Variants in SYN2 observed in about 807,000 individuals in gnomAD.
SYN2 encodes synapsin II.
Under a neutral mutation model 50.9 loss-of-function variants are expected in SYN2, and 19 were observed. The observed-to-expected ratio is 0.37, with a 90% CI of 0.26 to 0.55. SYN2 has a LOEUF of 0.55. Ranked by LOEUF, SYN2 falls within the 20% of genes least tolerant of loss-of-function variation. The pLI, the probability that SYN2 is intolerant of heterozygous loss-of-function variation, is 0.81. For synonymous variants in SYN2, 255 were observed against 224.9 expected, an observed-to-expected ratio of 1.13 and a Z score of -1.20; for missense variants, 587 against 576.4, an observed-to-expected ratio of 1.02 and a Z score of -0.19.
rs995698207 is a variant in SYN2, at chr3:12,153,402, T to A, written c.774+2076T>A. 4.7e-6 allele frequency: 6 copies of A among 1,277,308 alleles called. No homozygotes were observed. In the African/African-American group the frequency reaches 7.3e-5, roughly 16 times the overall value. 79.1% of individuals were successfully genotyped at this position (1,277,308 alleles called of 1,614,324 possible). On this transcript the variant is annotated intron_variant, in intron 5 of 12. Coordinates refer to ENST00000621198, the MANE Select transcript of SYN2 (RefSeq NM_133625.6). ...AGTGGCCAGACTGTCCACTTGGCAC[T>A]TCTTATTAGCTGGCAGCAAGAGGTC... is the stretch of plus-strand genomic sequence containing the variant.
At chr3:12,013,512 C>T (rs774199904) in intron 1 of SYN2, among the ~76,000 whole-genome samples, 5 of 152,140 alleles carry the variant, frequency 3.3e-5, no homozygotes, top group Non-Finnish European at 5.9e-5. Context: ...GACATATGTG[C>T]AGCTGCCTGC....
intron 1 of SYN2, among the ~76,000 whole-genome samples, chr3:12,120,742 A>T (rs1013929619): frequency 4.6e-5 from 7 of 152,124 alleles, no homozygotes; most frequent in African/African-American, 1.7e-4. Context: ...GTCATCAATC[A>T]TTCAGAGCTC....
intron 5 of SYN2, chr3:12,153,690 G>A (rs781298366): frequency 3.7e-6 from 6 of 1,614,182 alleles, no homozygotes; most frequent in Admixed American, 1.7e-5. Context: ...GATGGTACAG[G>A]GTACTGTGTA....
chr3:12,186,586 A>G (rs1698345369), intron 11 of SYN2, among the ~76,000 whole-genome samples: 1 of 152,162 alleles, frequency 6.6e-6, no homozygotes, highest in South Asian at 2.1e-4. Flanking sequence ...CCTTGAGGAT[A>G]TTACTGAGAG....
intron 1 of SYN2, among the ~76,000 whole-genome samples, chr3:12,112,757 C>T (rs551872175): frequency 1.4e-4 from 20 of 145,080 alleles, no homozygotes; most frequent in African/African-American, 2.7e-4. Flanking sequence ...TCTGCCTCCA[C>T]GTGAAAGTTC....
At chr3:12,187,728 G>C in intron 12 of SYN2, 116 bp downstream of exon 12, 1 of 1,334,196 alleles carries the variant, frequency 7.5e-7, no homozygotes, top group Non-Finnish European at 9.8e-7. Flanking sequence ...GATATTTTGT[G>C]ATGGGATTTG....
rs1341624833 is a variant in SYN2 at position 12,112,287 on chromosome 3, G to C, written c.378-28364G>C. Among the ~76,000 whole-genome samples, 4 of 152,040 alleles carry C rather than the reference G, an allele frequency of 2.6e-5. No individual in the cohort carries two copies. In the East Asian group the frequency reaches 7.7e-4, roughly 29 times the overall value. On this transcript the variant is annotated intron_variant, in intron 1 of 12. Coordinates refer to ENST00000621198, the MANE Select transcript of SYN2 (RefSeq NM_133625.6). The stretch of plus-strand genomic sequence containing the variant: ...TTTGATCAGCTCTATTTTCTTTGAG[G>C]GTATTCCTGGCAACTTCACAGTCAG...
intron 1 of SYN2, among the ~76,000 whole-genome samples, chr3:12,035,278 T>C (rs577999352): frequency 3.9e-5 from 6 of 152,310 alleles, no homozygotes; most frequent in South Asian, 4.1e-4. Flanking sequence ...TTTGCTGGGC[T>C]CAGTCCATGC....
At chr3:12,157,411 G>C in intron 5 of SYN2, 1 of 1,614,170 alleles carries the variant, frequency 6.2e-7, no homozygotes, top group African/African-American at 1.3e-5. Flanking sequence ...TCATACCGGA[G>C]CATTTTTTCA....
At chr3:12,177,535 C>T (rs1238090869) in intron 10 of SYN2, among the ~76,000 whole-genome samples, 5 of 152,110 alleles carry the variant, frequency 3.3e-5, no homozygotes, top group African/African-American at 1.2e-4. Context: ...GGTCTCTGAT[C>T]CCCGGCATGG....
chr3:12,103,644 G>A (rs1277253056), intron 1 of SYN2, among the ~76,000 whole-genome samples: 4 of 152,136 alleles, frequency 2.6e-5, no homozygotes, highest in Admixed American at 6.5e-5. Flanking sequence ...CAAGGTCCTG[G>A]AATTGTTTGG....
At chr3:12,044,181 T>TCTCTCTCTCTCTCTCACACA (rs573246278) in intron 1 of SYN2, among the ~76,000 whole-genome samples, 1 of 53,360 alleles carries the variant, frequency 1.9e-5, no homozygotes, top group African/African-American at 4.6e-5. Flanking sequence ...TCTCTCTCTC[T>TCTCTCTCTCTCTCTCACACA]CACACACACA....
intron 1 of SYN2, among the ~76,000 whole-genome samples, chr3:12,107,503 C>T (rs1020773875): frequency 3.3e-5 from 5 of 152,152 alleles, no homozygotes; most frequent in African/African-American, 9.7e-5. Flanking sequence ...AATCAGGCTG[C>T]ATAATGTAAT....
chr3:12,010,092 CT>C (rs1693885321), intron 1 of SYN2, among the ~76,000 whole-genome samples: 1 of 152,050 alleles, frequency 6.6e-6, no homozygotes, highest in South Asian at 2.1e-4. Context: ...AAGACTCCAT[CT>C]CCAAAAAAAT....
At chr3:12,006,003 T>G (rs1270878162) in intron 1 of SYN2, among the ~76,000 whole-genome samples, 2 of 151,964 alleles carry the variant, frequency 1.3e-5, no homozygotes, top group Non-Finnish European at 2.9e-5. Flanking sequence ...TTTGTTTTTT[T>G]TTTTTTCTCA....
intron 1 of SYN2, among the ~76,000 whole-genome samples, chr3:12,035,306 G>A (rs1390081262): frequency 1.3e-5 from 2 of 152,218 alleles, no homozygotes; most frequent in African/African-American, 2.4e-5. Context: ...CTCACAGGTT[G>A]GAGTCTCGTA....
chr3:12,151,365 T>C, intron 5 of SYN2, 39 bp downstream of exon 5: 10 of 1,552,304 alleles, frequency 6.4e-6, no homozygotes, highest in Non-Finnish European at 8.9e-6. Flanking sequence ...TTCTGCTGTT[T>C]TCATTTTGCA....
At chr3:12,065,110 G>T (rs960949754) in intron 1 of SYN2, among the ~76,000 whole-genome samples, 1 of 152,086 alleles carries the variant, frequency 6.6e-6, no homozygotes, top group Non-Finnish European at 1.5e-5. Context: ...AAAGACGCCA[G>T]TAACAATCAT....
At chr3:12,188,259 C>A (rs570655115) in intron 12 of SYN2, among the ~76,000 whole-genome samples, 5 of 152,200 alleles carry the variant, frequency 3.3e-5, no homozygotes, top group Non-Finnish European at 5.9e-5. Context: ...CCCTAGAAGC[C>A]CCTCCACACT....
Sources: gnomAD v4.1 joint callset for allele counts (sites outside exome capture counted in the v4.1 genomes callset) on GRCh38, gnomAD v4.1.1 for gene constraint, MANE v1.5 for transcripts, NCBI Gene and HGNC (gene_info 2026-07-23, HGNC 2026-07-21) for gene names.